Variants in RNASET2 observed in about 807,000 individuals in gnomAD.
RNASET2 encodes ribonuclease 6.
RNASET2 carries 28 observed loss-of-function variants against 33.9 expected under a neutral mutation model. The ratio of observed to expected loss-of-function variants is 0.83; its 90% CI spans 0.61 to 1.13. The LOEUF is 1.13. Among genes scored for constraint, RNASET2 ranks in the 50% most tolerant of loss-of-function variants. The pLI is 0.00. For synonymous variants in RNASET2, 123 were observed against 121.0 expected (o/e 1.02, Z -0.11); for missense variants, 330 against 319.9 (o/e 1.03, Z -0.24).
rs957324654 is a variant in RNASET2, at chr6:166,927,272, A to G, written c.*2316T>C. Among the ~76,000 whole-genome samples the G allele has an allele frequency of 4.6e-5, 7 of 152,134 alleles. No homozygotes were observed. Among genetic ancestry groups the G allele is most frequent in the African/African-American group, 1.7e-4 (7 of 41,420 alleles). On this transcript the variant is annotated 3_prime_UTR_variant, in exon 9 of 9. Coordinates refer to ENST00000508775, the MANE Select transcript of RNASET2 (RefSeq NM_003730.6). ...CTTACATGATCTGAGGCAGGTTATC[A>G]AACGCTCATGTTCTACCTGCTCCTG...
intron 6 of RNASET2, among the ~76,000 whole-genome samples, chr6:166,936,513 G>C (rs538186758): frequency 6.6e-6 from 1 of 152,356 alleles, no homozygotes; most frequent in South Asian, 2.1e-4. Context: ...AGGGCCTCAG[G>C]AAACTTCCGC....
At chr6:166,937,660 G>A (rs1488025568) in intron 6 of RNASET2, among the ~76,000 whole-genome samples, 1 of 152,212 alleles carries the variant, frequency 6.6e-6, no homozygotes, top group Non-Finnish European at 1.5e-5. Context: ...AGAGCTGGAA[G>A]AGACTTCAGG....
intron 2 of RNASET2, among the ~76,000 whole-genome samples, chr6:166,951,405 T>C (rs530115900): frequency 2.1e-4 from 32 of 152,310 alleles, no homozygotes; most frequent in African/African-American, 7.7e-4. Flanking sequence ...ACAAGAGGTA[T>C]GGTGAAGCAG....
At chr6:166,938,313 G>A (rs778361853) in intron 6 of RNASET2, among the ~76,000 whole-genome samples, 1 of 152,198 alleles carries the variant, frequency 6.6e-6, no homozygotes. Context: ...CGGACAGTGA[G>A]TGGGCTCGGT....
At chr6:166,951,302 A>T (rs1329927935) in intron 2 of RNASET2, among the ~76,000 whole-genome samples, 1 of 152,266 alleles carries the variant, frequency 6.6e-6, no homozygotes, top group Admixed American at 6.5e-5. Flanking sequence ...ATGAAAGTGA[A>T]ACAGCAGTGT....
chr6:166,956,018 A>C (rs1456292297), intron 1 of RNASET2, 79 bp downstream of exon 1: 4 of 1,360,692 alleles, frequency 2.9e-6, no homozygotes, highest in Non-Finnish European at 4.1e-6. Context: ...GCCGACCCCG[A>C]GAGCTGCAGC....
Position 166,955,175 on chromosome 6 carries a change from CCACA to C in RNASET2, c.86+918_86+921del, listed in dbSNP as rs144459587. On this transcript the variant is annotated intron_variant, in intron 1 of 8. Coordinates refer to ENST00000508775, the MANE Select transcript of RNASET2 (RefSeq NM_003730.6). ...TACCCCTAATTAATTTGGGCGGCTGCCACACACACACACGCACACACGCACGCAC... is the reference window on the plus strand; with the variant it reads ...TACCCCTAATTAATTTGGGCGGCTGCCACACACACGCACACACGCACGCAC... Among the ~76,000 whole-genome samples the C allele has an allele frequency of 2.6e-4, 34 of 131,030 alleles. 1 individual carries two copies. The highest frequency in any genetic ancestry group is 7.3e-4 in the African/African-American group (23 of 31,340). The allele number at this position is 131,030 out of a possible 152,430, so 86.0% of individuals were successfully genotyped here. A position where few individuals can be genotyped will look rare whatever the true frequency, so the allele number is the denominator to read the frequency against.
rs1455863817 is a variant in RNASET2 at position 166,955,175 on chromosome 6, CCACACACACACACGCACACACGCACG to C, written c.86+896_86+921del. On this transcript the variant is annotated intron_variant, in intron 1 of 8. Transcript: ENST00000508775. ...TACCCCTAATTAATTTGGGCGGCTG[CCACACACACACACGCACACACGCACG>C]CACACACGCACGCACACACGCGCAC... is the stretch of plus-strand genomic sequence containing the variant. 3.1e-5 allele frequency among the ~76,000 whole-genome samples: 4 copies of C among 131,028 alleles called. No homozygotes were observed. In the East Asian group the frequency reaches 7.0e-4, roughly 23 times the overall value. 86.0% of individuals were successfully genotyped at this position (131,028 alleles called of 152,430 possible).
chr6:166,943,159 T>C (rs1778733978), intron 4 of RNASET2, 70 bp from the exon 5 acceptor site: 1 of 1,109,164 alleles, frequency 9.0e-7, no homozygotes, highest in Non-Finnish European at 1.3e-6. Context: ...GAAGGTAAAT[T>C]TGATAAACTG....
chr6:166,945,844 A>G (rs1163310984), intron 4 of RNASET2, among the ~76,000 whole-genome samples: 3 of 118,174 alleles, frequency 2.5e-5, no homozygotes, highest in African/African-American at 1.5e-4. Flanking sequence ...AAAAAAAAAA[A>G]AAAGAAAAGA....
In RNASET2 at chr6:166,924,629, C is replaced by T. The variant is rs1423432508; in HGVS notation, c.*4959G>A. Among the ~76,000 whole-genome samples, 6 of 152,168 alleles carry T rather than the reference C, an allele frequency of 3.9e-5. No homozygotes were observed. The highest frequency in any genetic ancestry group is 2.1e-4 in the South Asian group (1 of 4,828). On this transcript the variant is annotated 3_prime_UTR_variant, in exon 9 of 9. Coordinates refer to ENST00000508775, the MANE Select transcript of RNASET2 (RefSeq NM_003730.6). ...CCCTGGCCGCCTTCATAACTCTGAC[C>T]TCCTCCCTCCCTCCAACCTACCAGC...
At chr6:166,936,439 G>GT (rs970365811) in intron 6 of RNASET2, among the ~76,000 whole-genome samples, 3 of 152,088 alleles carry the variant, frequency 2.0e-5, no homozygotes, top group Admixed American at 6.6e-5. Context: ...AAAAAAAGAG[G>GT]TTTTTTTGGC....
chr6:166,955,290 G>T (rs531604163), intron 1 of RNASET2, among the ~76,000 whole-genome samples: 2 of 68,466 alleles, frequency 2.9e-5, no homozygotes, highest in Non-Finnish European at 5.1e-5. Flanking sequence ...CGACACACAC[G>T]CACAGACGCG....
At position 166,933,497 on chromosome 6, in the gene RNASET2, A is replaced by T. The variant is rs1324585361; in HGVS notation, c.492+594T>A. 1 of 154,226 alleles carries T rather than the reference A, an allele frequency of 6.5e-6. No homozygotes were observed. Among genetic ancestry groups the T allele is most frequent in the Non-Finnish European group, 1.4e-5 (1 of 69,556 alleles). 9.6% of individuals were successfully genotyped at this position (154,226 alleles called of 1,614,324 possible). A position where few individuals can be genotyped will look rare whatever the true frequency, so the allele number is the denominator to read the frequency against. On this transcript the variant is annotated intron_variant, in intron 7 of 8. Coordinates refer to ENST00000508775, the MANE Select transcript of RNASET2 (RefSeq NM_003730.6). This position sits in a 1 kb window ranked among gnomAD's most constrained non-coding sequence, Gnocchi z 4.1. Reference sequence around the variant, plus strand: ...CTTAGCTTCCTGAATAGCTGAGACCACAGACACATACTATCATGCTCAGCT... The same window carrying T: ...CTTAGCTTCCTGAATAGCTGAGACCTCAGACACATACTATCATGCTCAGCT...
chr6:166,935,075 G>C (rs1050101842), intron 6 of RNASET2: 3 of 152,172 alleles, frequency 2.0e-5, no homozygotes, highest in Admixed American at 1.3e-4. Flanking sequence ...TTGTCAGACT[G>C]TCTTGGCCAC....
chr6:166,938,780 A>C, intron 6 of RNASET2, 115 bp downstream of exon 6: 1 of 789,328 alleles, frequency 1.3e-6, no homozygotes, highest in Non-Finnish European at 2.3e-6. Context: ...GTGCACATGC[A>C]GAAGCTGCTG....
rs369986034 is a variant in RNASET2, at chr6:166,938,891, C to A, written c.446+4G>T. The A allele has an allele frequency of 1.2e-6, 2 of 1,600,752 alleles. No homozygotes were observed. Among genetic ancestry groups the A allele is most frequent in the African/African-American group, 2.7e-5 (2 of 74,662 alleles). On this transcript the variant is annotated splice_donor_region_variant and intron_variant, in intron 6 of 8. Transcript: ENST00000508775. ...AAGTGCAGCCGGGGGAAGGGCGCACCCACCTGTTGAGGTCCAGCTCCCTGT... is the reference window on the plus strand; with the variant it reads ...AAGTGCAGCCGGGGGAAGGGCGCACACACCTGTTGAGGTCCAGCTCCCTGT...
chr6:166,956,333 C>T lies in RNASET2; in HGVS notation c.-151G>A. The T allele has an allele frequency of 1.3e-6, 1 of 749,400 alleles. No individual in the cohort carries two copies. Among genetic ancestry groups the T allele is most frequent in the South Asian group, 1.6e-5 (1 of 62,158 alleles). The allele number at this position is 749,400 out of a possible 1,614,324, so 46.4% of individuals were successfully genotyped here. Reference sequence around the variant, plus strand: ...TGCAGCAGCGGCCACCGGGTGCGCCCGGAGCCCTGGGACGGCCTAAACCAG... The same window carrying T: ...TGCAGCAGCGGCCACCGGGTGCGCCTGGAGCCCTGGGACGGCCTAAACCAG... On this transcript the variant is annotated 5_prime_UTR_variant, in exon 1 of 9. Coordinates refer to ENST00000508775, the MANE Select transcript of RNASET2 (RefSeq NM_003730.6).
chr6:166,943,915 A>G (rs1467939995), intron 4 of RNASET2: 1 of 310,380 alleles, frequency 3.2e-6, no homozygotes, highest in Non-Finnish European at 6.7e-6. Context: ...AGGTCAGGAG[A>G]TCGAGACCAT....
Sources: gnomAD v4.1 joint callset for allele counts (sites outside exome capture counted in the v4.1 genomes callset) on GRCh38, gnomAD v4.1.1 for gene constraint, Gnocchi (gnomAD v3.1) non-coding constraint, MANE v1.5 for transcripts, NCBI Gene and HGNC (gene_info 2026-07-23, HGNC 2026-07-21) for gene names.